Variants in NPAS3 observed in about 807,000 individuals in gnomAD.
NPAS3 encodes the protein neuronal PAS domain protein 3.
A neutral mutation model predicts 73.1 loss-of-function variants in NPAS3; 14 were observed. The observed-to-expected ratio is 0.19, with a 90% CI of 0.13 to 0.30. NPAS3 has a LOEUF of 0.30. Among genes scored for constraint, NPAS3 ranks in the 10% least tolerant of loss-of-function variants. The pLI, the probability that NPAS3 is intolerant of heterozygous loss-of-function variation, is 1.00. For synonymous variants in NPAS3, 620 were observed against 541.5 expected (o/e 1.14, Z -2.01); for missense variants, 1,096 against 1,250.0 (o/e 0.88, Z 1.86).
At chr14:33,728,236 G>A (rs1226031175) in intron 6 of NPAS3, among the ~76,000 whole-genome samples, 1 of 152,216 alleles carries the variant, frequency 6.6e-6, no homozygotes, top group African/African-American at 2.4e-5. Flanking sequence ...TTCGAGACAG[G>A]CCAGATAGTC....
At chr14:33,524,188 A>C (rs1186302289) in intron 4 of NPAS3, among the ~76,000 whole-genome samples, 1 of 152,146 alleles carries the variant, frequency 6.6e-6, no homozygotes, top group Non-Finnish European at 1.5e-5. Flanking sequence ...CCTCTCTAAA[A>C]GTCCTCCTTA....
At chr14:33,431,999 A>G (rs549352480) in intron 4 of NPAS3, among the ~76,000 whole-genome samples, 1 of 152,336 alleles carries the variant, frequency 6.6e-6, no homozygotes, top group South Asian at 2.1e-4. Context: ...ATAATGTGTC[A>G]TATCATTTTA....
intron 1 of NPAS3, among the ~76,000 whole-genome samples, chr14:33,009,125 G>C (rs2039100092): frequency 6.6e-6 from 1 of 152,176 alleles, no homozygotes; most frequent in African/African-American, 2.4e-5. Flanking sequence ...AATCTAGCAA[G>C]TATTTCTTGA....
rs553420600 is a variant in NPAS3 at position 32,997,690 on chromosome 14, C to T, written c.51-58215C>T. Among the ~76,000 whole-genome samples the T allele has an allele frequency of 5.3e-5, 8 of 150,948 alleles. No individual in the cohort carries two copies. The East Asian group carries it at 7.8e-4, about 15-fold the overall frequency. ...CTGTAATCCCAGCACTTTGGGAGGC[C>T]GAGTTGGGTGGATCACGAGGTCAGG... On this transcript the variant is annotated intron_variant, in intron 1 of 11. Transcript: ENST00000356141.
chr14:33,780,563 T>C (rs1163699003), intron 9 of NPAS3: 1 of 428,682 alleles, frequency 2.3e-6, no homozygotes, highest in African/African-American at 2.1e-5. Context: ...AAAAAGAACT[T>C]TGTCTTCCTC....
chr14:33,454,988 G>A (rs1336216998), intron 4 of NPAS3, among the ~76,000 whole-genome samples: 3 of 152,136 alleles, frequency 2.0e-5, no homozygotes, highest in Non-Finnish European at 2.9e-5. Flanking sequence ...AATGGCACCC[G>A]GCGCTGGCTT....
intron 4 of NPAS3, among the ~76,000 whole-genome samples, chr14:33,453,716 A>G (rs960314525): frequency 6.6e-6 from 1 of 152,234 alleles, no homozygotes; most frequent in African/African-American, 2.4e-5. Flanking sequence ...GCTTAAGTTT[A>G]CTTTTGCATT....
At chr14:33,118,025 A>G (rs2043121459) in intron 2 of NPAS3, among the ~76,000 whole-genome samples, 1 of 152,092 alleles carries the variant, frequency 6.6e-6, no homozygotes, top group Non-Finnish European at 1.5e-5. Flanking sequence ...GTCAATGTTC[A>G]CATAAGTTAA....
intron 5 of NPAS3, among the ~76,000 whole-genome samples, chr14:33,652,125 T>G (rs964085453): frequency 6.6e-6 from 1 of 152,150 alleles, no homozygotes; most frequent in Non-Finnish European, 1.5e-5. Context: ...CAAGGAAAAT[T>G]TATGTGTAAG....
At chr14:33,582,393 G>A (rs1053813627) in intron 5 of NPAS3, among the ~76,000 whole-genome samples, 14 of 152,186 alleles carry the variant, frequency 9.2e-5, no homozygotes, top group Non-Finnish European at 1.8e-4. Context: ...AGGCTGATTT[G>A]TAGAGAAGCA....
At chr14:33,185,900 G>C (rs1053247956) in intron 2 of NPAS3, among the ~76,000 whole-genome samples, 10 of 152,192 alleles carry the variant, frequency 6.6e-5, no homozygotes, top group Middle Eastern at 3.4e-3. Context: ...ACGGACTCTT[G>C]TCTTCAAAAA....
At chr14:33,284,273 G>T (rs1157149474) in intron 3 of NPAS3, among the ~76,000 whole-genome samples, 1 of 151,626 alleles carries the variant, frequency 6.6e-6, no homozygotes, top group Non-Finnish European at 1.5e-5. Flanking sequence ...CTGTATTTTG[G>T]GGTCATACTT....
At chr14:33,693,929 C>T (rs1383961017) in intron 6 of NPAS3, among the ~76,000 whole-genome samples, 2 of 152,092 alleles carry the variant, frequency 1.3e-5, no homozygotes, top group Admixed American at 1.3e-4. Flanking sequence ...GATTTCCTTG[C>T]GGACCTGCGT....
chr14:33,140,393 TC>T (rs1472993764), intron 2 of NPAS3, among the ~76,000 whole-genome samples: 6 of 152,150 alleles, frequency 3.9e-5, no homozygotes, highest in Non-Finnish European at 7.4e-5. Flanking sequence ...TATTTTGAGC[TC>T]ATTTTGCTGT....
chr14:33,596,055 T>C (rs1017684518), intron 5 of NPAS3, among the ~76,000 whole-genome samples: 3 of 152,224 alleles, frequency 2.0e-5, no homozygotes, highest in African/African-American at 7.2e-5. Context: ...AACATTTCTT[T>C]CCTTCCCAAA....
In NPAS3 at chr14:33,086,458, G is replaced by A. The variant is rs77340839; in HGVS notation, c.140+30464G>A. ...CCTTGTTTTTTAAAAAAGGGTCACA[G>A]TATACTTAGGATGTTTGTTACTGAG... On this transcript the variant is annotated intron_variant, in intron 2 of 11. Coordinates refer to ENST00000356141, the Ensembl canonical transcript of NPAS3. Among the ~76,000 whole-genome samples the A allele has an allele frequency of 1.1e-3, 160 of 152,242 alleles. No individual in the cohort carries two copies. In the East Asian group the frequency reaches 0.024, roughly 23 times the overall value.
rs80273845 is a variant in NPAS3 at position 33,766,769 on chromosome 14, G to A, written c.853-7568G>A. Among the ~76,000 whole-genome samples the A allele has an allele frequency of 8.4e-3, 1,286 of 152,278 alleles. 20 individuals carry two copies. The highest frequency in any genetic ancestry group is 0.029 in the African/African-American group (1,204 of 41,538). On this transcript the variant is annotated intron_variant, in intron 7 of 11. Transcript: ENST00000356141. ...CCATCTCCATACATAGCTGATGACA[G>A]CATTCCAGGACCACCTCTCCTGTTG...
intron 2 of NPAS3, among the ~76,000 whole-genome samples, chr14:33,198,221 G>A (rs2046456012): frequency 6.6e-6 from 1 of 152,220 alleles, no homozygotes; most frequent in South Asian, 2.1e-4. Context: ...AAGAGCAAAA[G>A]AACAAAGCTT....
At chr14:33,084,010 T>G (rs988471609) in intron 2 of NPAS3, among the ~76,000 whole-genome samples, 4 of 152,178 alleles carry the variant, frequency 2.6e-5, no homozygotes, top group Non-Finnish European at 5.9e-5. Flanking sequence ...AATGAGAAAT[T>G]TGGAAATTTG....
Sources: gnomAD v4.1 joint callset for allele counts (sites outside exome capture counted in the v4.1 genomes callset) on GRCh38, gnomAD v4.1.1 for gene constraint, MANE v1.5 for transcripts, NCBI Gene and HGNC (gene_info 2026-07-23, HGNC 2026-07-21) for gene names.